The following FAM184B variants were observed in gnomAD, a reference collection of about 807,000 sequenced individuals.
FAM184B encodes the protein family with sequence similarity 184 member B.
A neutral mutation model predicts 135.9 loss-of-function variants in FAM184B; 111 were observed. The observed-to-expected ratio is 0.82, with a 90% CI of 0.70 to 0.96. The LOEUF (loss-of-function observed/expected upper bound fraction) is 0.96. Ranked by LOEUF, FAM184B falls within the 40% of genes least tolerant of loss-of-function variation. The pLI is 0.00. For synonymous variants in FAM184B, 552 were observed against 524.8 expected, an observed-to-expected ratio of 1.05 and a Z score of -0.71; for missense variants, 1,375 against 1,323.9, an observed-to-expected ratio of 1.04 and a Z score of -0.60.
At chr4:17,739,130 C>T (rs1717968925) in intron 1 of FAM184B, among the ~76,000 whole-genome samples, 1 of 152,240 alleles carries the variant, frequency 6.6e-6, no homozygotes, top group African/African-American at 2.4e-5. Context: ...AGCAGCTTGA[C>T]TTTCCTGCAT....
chr4:17,637,101 T>C (rs1432848405), intron 14 of FAM184B, among the ~76,000 whole-genome samples: 4 of 152,126 alleles, frequency 2.6e-5, no homozygotes, highest in South Asian at 2.1e-4. Context: ...GTCTCGGCTC[T>C]CTGCAACCTC....
chr4:17,696,902 AT>A (rs1716879423), intron 5 of FAM184B, among the ~76,000 whole-genome samples: 1 of 152,156 alleles, frequency 6.6e-6, no homozygotes, highest in Non-Finnish European at 1.5e-5. Flanking sequence ...GAGGTGTGGG[AT>A]GAGGTAGAAG....
At chr4:17,743,191 AT>A (rs1388168649) in intron 1 of FAM184B, among the ~76,000 whole-genome samples, 1 of 152,230 alleles carries the variant, frequency 6.6e-6, no homozygotes, top group African/African-American at 2.4e-5. Context: ...CACCAAAAAA[AT>A]AGCAAAGTAT....
chr4:17,770,303 G>A (rs1252029331), intron 1 of FAM184B, among the ~76,000 whole-genome samples: 2 of 152,242 alleles, frequency 1.3e-5, no homozygotes, highest in African/African-American at 4.8e-5. Flanking sequence ...CAAGGCCAGT[G>A]CGGGCGTCAT....
chr4:17,775,493 A>T (rs1368935425), intron 1 of FAM184B, among the ~76,000 whole-genome samples: 1 of 152,152 alleles, frequency 6.6e-6, no homozygotes, highest in East Asian at 1.9e-4. Context: ...CTAGAATAGG[A>T]AATTTTCTTG....
intron 1 of FAM184B, among the ~76,000 whole-genome samples, chr4:17,718,907 T>C (rs941922076): frequency 1.2e-4 from 19 of 152,346 alleles, no homozygotes; most frequent in African/African-American, 4.6e-4. Context: ...CAGGAACATC[T>C]GCCTAATACA....
chr4:17,636,630 T>C lies in FAM184B; in HGVS notation c.2682A>G (p.Gly894=). 1 of 1,549,638 alleles carries C rather than the reference T, an allele frequency of 6.5e-7. No individual in the cohort carries two copies. The highest frequency in any genetic ancestry group is 2.0e-5 in the Admixed American group (1 of 50,838). The change falls in exon 15 of 18, where the codon GGA becomes GGG. Residue 894 remains glycine, a synonymous_variant. Coordinates refer to ENST00000265018, the MANE Select transcript of FAM184B (RefSeq NM_015688.2). The part of the protein sequence containing the change: ...AALEAELKDS[G]EKPGKGASRP... ...TGGACGCTCCCTTCCCTGGCTTCTCTCCGGAATCTTTCAGTCTGTTCCAAG... is the reference window on the plus strand; with the variant it reads ...TGGACGCTCCCTTCCCTGGCTTCTCCCCGGAATCTTTCAGTCTGTTCCAAG...
chr4:17,776,452 G>C lies in FAM184B; in HGVS notation c.141+4707C>G, dbSNP rs1366119033. On this transcript the variant is annotated intron_variant, in intron 1 of 17. Transcript: ENST00000265018. ...TGCCCAGGCTGGAGTGCAATGGCAC[G>C]ATCTCAGCCAACTGCAACCTCCGCC... is the stretch of plus-strand genomic sequence containing the variant. 2.0e-5 allele frequency among the ~76,000 whole-genome samples: 3 copies of C among 152,088 alleles called. No individual in the cohort carries two copies. The East Asian group carries it at 5.8e-4, about 29-fold the overall frequency.
chr4:17,637,107 A>C (rs373732347), intron 14 of FAM184B, among the ~76,000 whole-genome samples: 1 of 151,706 alleles, frequency 6.6e-6, no homozygotes, highest in South Asian at 2.1e-4. Flanking sequence ...GCTCTCTGCA[A>C]CCTCCGCCTC....
chr4:17,718,675 C>T (rs1717450773), intron 1 of FAM184B, among the ~76,000 whole-genome samples: 2 of 152,202 alleles, frequency 1.3e-5, no homozygotes, highest in African/African-American at 4.8e-5. Context: ...TTGGCTTGCC[C>T]TCTTGTGCTT....
chr4:17,741,330 A>C (rs1473881422), intron 1 of FAM184B, among the ~76,000 whole-genome samples: 1 of 152,220 alleles, frequency 6.6e-6, no homozygotes, highest in African/African-American at 2.4e-5. Context: ...CATGCGAGTG[A>C]AGATTTGACA....
At chr4:17,772,622 C>A (rs575960595) in intron 1 of FAM184B, among the ~76,000 whole-genome samples, 28 of 152,346 alleles carry the variant, frequency 1.8e-4, no homozygotes, top group Admixed American at 5.2e-4. Flanking sequence ...TCTGTTGGAT[C>A]TTTAGGATGG....
rs969666630 is a variant in FAM184B, at chr4:17,708,939, T to C, written c.847A>G (p.Ile283Val). 3.1e-5 allele frequency: 48 copies of C among 1,545,794 alleles called. No individual in the cohort carries two copies. Among genetic ancestry groups the C allele is most frequent in the Middle Eastern group, 3.3e-4 (2 of 5,984 alleles). ...EGDLEHRGRK[I>V]SDLKKYAQKL... ...TGGGCGTACTTCTTCAGGTCACTTA[T>C]CTTGCGGCCTCTGTGCTCCAGGTCT... The change falls in exon 2 of 18, where the codon ATA becomes GTA. Residue 283 changes from isoleucine (I) to valine (V), a missense_variant. Coordinates refer to ENST00000265018, the MANE Select transcript of FAM184B (RefSeq NM_015688.2).
intron 1 of FAM184B, among the ~76,000 whole-genome samples, chr4:17,763,673 C>T (rs1365744004): frequency 6.6e-6 from 1 of 152,144 alleles, no homozygotes; most frequent in African/African-American, 2.4e-5. Flanking sequence ...TTCCAGCCCA[C>T]AGCCCTAATG....
At chr4:17,673,265 T>C (rs115398829) in intron 7 of FAM184B, among the ~76,000 whole-genome samples, 1,741 of 151,770 alleles carry the variant, frequency 0.011, 21 homozygotes, top group Middle Eastern at 0.034. Flanking sequence ...ATTAAAAAAA[T>C]AGATATTGGT....
chr4:17,717,075 T>A (rs1246437454), intron 1 of FAM184B, among the ~76,000 whole-genome samples: 4 of 152,180 alleles, frequency 2.6e-5, no homozygotes, highest in African/African-American at 9.6e-5. Flanking sequence ...CCTCCCAAAG[T>A]GCTAGGATCA....
At chr4:17,636,901 G>A (rs1715158338) in intron 14 of FAM184B, among the ~76,000 whole-genome samples, 1 of 152,208 alleles carries the variant, frequency 6.6e-6, no homozygotes, top group Admixed American at 6.5e-5. Context: ...ACTCAGCGGG[G>A]CTTCAAGAGC....
chr4:17,730,700 G>A (rs973204246), intron 1 of FAM184B, among the ~76,000 whole-genome samples: 9 of 152,226 alleles, frequency 5.9e-5, no homozygotes, highest in Non-Finnish European at 2.9e-5. Context: ...CCAAAGGAAT[G>A]CAGCTCCTCA....
At chr4:17,668,594 G>A (rs1264548005) in intron 7 of FAM184B, among the ~76,000 whole-genome samples, 1 of 152,188 alleles carries the variant, frequency 6.6e-6, no homozygotes, top group East Asian at 1.9e-4. Context: ...GTGCAGTGGT[G>A]TGATCTAGGC....
Sources: allele counts gnomAD v4.1 joint callset (sites outside exome capture counted in the v4.1 genomes callset), GRCh38; gene constraint gnomAD v4.1.1; transcripts MANE v1.5; gene names NCBI Gene and HGNC (gene_info 2026-07-23, HGNC 2026-07-21).